Variants in PLCB4 observed in about 807,000 individuals in gnomAD.
The protein encoded by PLCB4 is 1-phosphatidylinositol 4,5-bisphosphate phosphodiesterase beta-4.
Under a neutral mutation model 178.8 loss-of-function variants are expected in PLCB4, and 77 were observed. The ratio of observed to expected loss-of-function variants is 0.43; its 90% confidence interval spans 0.36 to 0.52. The LOEUF (loss-of-function observed/expected upper bound fraction) is 0.52. Among genes scored for constraint, PLCB4 ranks in the 20% least tolerant of loss-of-function variants. The pLI, the probability that PLCB4 is intolerant of heterozygous loss-of-function variation, is 0.00. For missense variants in PLCB4, 1,024 were observed against 1,453.4 expected (o/e 0.70, Z 4.80); for synonymous variants, 496 against 490.8 (o/e 1.01, Z -0.14).
chr20:9,382,139 C>A (rs2037193826), intron 13 of PLCB4, among the ~76,000 whole-genome samples: 1 of 152,190 alleles, frequency 6.6e-6, no homozygotes, highest in Non-Finnish European at 1.5e-5. Context: ...CCAGTCAAAA[C>A]CACTGGGCTC....
At chr20:9,206,299 C>CTTTTTTCTTTTTTT (rs1568948051) in intron 2 of PLCB4, among the ~76,000 whole-genome samples, 13 of 96,100 alleles carry the variant, frequency 1.4e-4, no homozygotes, top group Non-Finnish European at 2.1e-4. Context: ...TTTCTTTTTT[C>CTTTTTTCTTTTTTT]TTTTTTTTTT....
intron 38 of PLCB4, among the ~76,000 whole-genome samples, chr20:9,476,077 C>G (rs2044522671): frequency 6.6e-6 from 1 of 152,180 alleles, no homozygotes; most frequent in Non-Finnish European, 1.5e-5. Context: ...CAAATCTCCC[C>G]TTCCAAAGCA....
chr20:9,413,996 C>T (rs1032888898), intron 25 of PLCB4, among the ~76,000 whole-genome samples: 3 of 152,188 alleles, frequency 2.0e-5, no homozygotes, highest in Admixed American at 6.5e-5. Context: ...AGGCAATCTG[C>T]CTGCCTTGGC....
chr20:9,223,341 C>A (rs2093822849), intron 3 of PLCB4, among the ~76,000 whole-genome samples: 1 of 152,074 alleles, frequency 6.6e-6, no homozygotes, highest in South Asian at 2.1e-4. Context: ...TACGTTGGGA[C>A]CTATTCTGGT....
At chr20:9,458,604 T>A (rs2043199735) in intron 34 of PLCB4, among the ~76,000 whole-genome samples, 1 of 152,184 alleles carries the variant, frequency 6.6e-6, no homozygotes, top group African/African-American at 2.4e-5. Flanking sequence ...TACTTATGTA[T>A]CTGGTAGTTG....
At chr20:9,308,079 T>C (rs929869773) in intron 4 of PLCB4, among the ~76,000 whole-genome samples, 181 bp downstream of exon 4, 9 of 152,194 alleles carry the variant, frequency 5.9e-5, no homozygotes, top group African/African-American at 1.9e-4. Flanking sequence ...CTATAAATTT[T>C]TGAGCGCTCA....
chr20:9,107,731 G>A (rs915707577), intron 2 of PLCB4, among the ~76,000 whole-genome samples: 2 of 152,116 alleles, frequency 1.3e-5, no homozygotes, highest in African/African-American at 4.8e-5. Flanking sequence ...AGCCTTTGGA[G>A]AATTGGGACC....
chr20:9,130,724 T>C (rs919169993), intron 2 of PLCB4, among the ~76,000 whole-genome samples: 1 of 152,146 alleles, frequency 6.6e-6, no homozygotes, highest in Admixed American at 6.6e-5. Flanking sequence ...CTTAGCACAG[T>C]GGTAACTGGA....
chr20:9,331,590 A>G (rs1405805280), intron 4 of PLCB4, among the ~76,000 whole-genome samples: 8 of 152,224 alleles, frequency 5.3e-5, no homozygotes, highest in Admixed American at 5.2e-4. Context: ...ACTCTCTGAC[A>G]TTCCTTATGA....
intron 3 of PLCB4, among the ~76,000 whole-genome samples, chr20:9,279,317 G>A (rs957915019): frequency 6.6e-6 from 1 of 152,060 alleles, no homozygotes; most frequent in Non-Finnish European, 1.5e-5. Context: ...ACTTCTTTCA[G>A]ACTTGGACAT....
At chr20:9,401,667 C>T (rs1217669812) in intron 20 of PLCB4, 77 bp downstream of exon 20, 3 of 943,022 alleles carry the variant, frequency 3.2e-6, no homozygotes, top group Admixed American at 3.9e-5. Flanking sequence ...GTGAGAACCA[C>T]AAGAGAATAA....
At chr20:9,334,420 C>T (rs188256995) in intron 4 of PLCB4, among the ~76,000 whole-genome samples, 15 of 152,136 alleles carry the variant, frequency 9.9e-5, no homozygotes, top group African/African-American at 2.6e-4. Flanking sequence ...GGATCAGGGA[C>T]ATGGGGTAGT....
rs150305175 is a variant in PLCB4, at chr20:9,456,816, G to T, written c.2997-598G>T. On this transcript the variant is annotated intron_variant, in intron 33 of 39. Transcript: ENST00000378473. ...AATAACCTAGAGTATACATGCTGAA[G>T]ATGAAGCTCAGGACCTGTTCTTGTT... Among the ~76,000 whole-genome samples, 31 of 152,322 alleles carry T rather than the reference G, an allele frequency of 2.0e-4. No individual in the cohort carries two copies. In the East Asian group the frequency reaches 5.8e-3, roughly 28 times the overall value.
intron 3 of PLCB4, among the ~76,000 whole-genome samples, chr20:9,299,331 C>T (rs2094677667): frequency 6.6e-6 from 1 of 151,896 alleles, no homozygotes; most frequent in Non-Finnish European, 1.5e-5. Flanking sequence ...AAATTACAGT[C>T]ACTATGAATA....
chr20:9,241,642 T>G, intron 3 of PLCB4, among the ~76,000 whole-genome samples: 1 of 152,164 alleles, frequency 6.6e-6, no homozygotes, highest in East Asian at 1.9e-4. Context: ...GCCAAGGGTA[T>G]AACCTGCAGG....
chr20:9,293,246 A>G (rs1568535852), intron 3 of PLCB4, among the ~76,000 whole-genome samples: 5 of 150,204 alleles, frequency 3.3e-5, no homozygotes. Flanking sequence ...AAGGGAAGAA[A>G]GAAAGGGAAG....
chr20:9,212,357 G>A lies in PLCB4; in HGVS notation c.-78-5033G>A, dbSNP rs189825149. On this transcript the variant is annotated intron_variant, in intron 2 of 39. Coordinates refer to ENST00000378473, the MANE Select transcript of PLCB4 (RefSeq NM_001377142.1). ...ATCTGTTTTTGTTCAACCTTGCCCAGTTACTCTTCACTTTAAAACAAAATC... is the reference window on the plus strand; with the variant it reads ...ATCTGTTTTTGTTCAACCTTGCCCAATTACTCTTCACTTTAAAACAAAATC... 5.6e-3 allele frequency among the ~76,000 whole-genome samples: 847 copies of A among 152,202 alleles called. 11 individuals are homozygous for A. The highest frequency in any genetic ancestry group is 0.019 in the African/African-American group (807 of 41,520).
intron 3 of PLCB4, among the ~76,000 whole-genome samples, chr20:9,282,659 C>CT (rs2094504130): frequency 6.6e-6 from 1 of 151,998 alleles, no homozygotes; most frequent in South Asian, 2.1e-4. Context: ...TATAGGTTAG[C>CT]TTTTGTTGTG....
intron 2 of PLCB4, among the ~76,000 whole-genome samples, chr20:9,105,524 C>G (rs1236149831): frequency 1.3e-5 from 2 of 151,928 alleles, no homozygotes; most frequent in African/African-American, 4.8e-5. Context: ...CTCAGAATTA[C>G]AAGAAATACT....
Sources: gnomAD v4.1 joint callset for allele counts (sites outside exome capture counted in the v4.1 genomes callset) on GRCh38, gnomAD v4.1.1 for gene constraint, MANE v1.5 for transcripts, NCBI Gene and HGNC (gene_info 2026-07-23, HGNC 2026-07-21) for gene names.